The following PLA2R1 variants were observed in gnomAD, a reference collection of about 807,000 sequenced individuals.
PLA2R1 encodes secretory phospholipase A2 receptor.
A neutral mutation model predicts 195.9 loss-of-function variants in PLA2R1; 158 were observed. That is an observed-to-expected ratio of 0.81 (90% CI 0.71 to 0.92). The LOEUF is 0.92. Among genes scored for constraint, PLA2R1 ranks in the 40% least tolerant of loss-of-function variants. The pLI is 0.00. For synonymous variants in PLA2R1, 586 were observed against 598.2 expected (o/e 0.98, Z 0.30); for missense variants, 1,626 against 1,764.6 (o/e 0.92, Z 1.41).
intron 5 of PLA2R1, 25 bp from the exon 6 acceptor site, chr2:160,028,386 A>G: frequency 6.4e-7 from 1 of 1,562,518 alleles, no homozygotes; most frequent in African/African-American, 1.4e-5. Context: ...AGTGTCTTTA[A>G]TATTAGAAGC....
chr2:160,031,023 T>G (rs10929963), intron 4 of PLA2R1, among the ~76,000 whole-genome samples: 22,617 of 152,136 alleles, frequency 0.15, 1,820 homozygotes, highest in East Asian at 0.22. Flanking sequence ...ATTTCAGGCT[T>G]AAAATGATTT....
chr2:159,949,207 A>G (rs77640342), intron 25 of PLA2R1, among the ~76,000 whole-genome samples: 337 of 152,224 alleles, frequency 2.2e-3, no homozygotes, highest in Non-Finnish European at 3.8e-3. Flanking sequence ...GCATTCAGGC[A>G]AATCCCAACA....
intron 4 of PLA2R1, among the ~76,000 whole-genome samples, chr2:160,031,789 T>A (rs1228630261): frequency 6.6e-6 from 1 of 152,202 alleles, no homozygotes; most frequent in Non-Finnish European, 1.5e-5. Context: ...TATTTTGATA[T>A]GAAGGCTCGT....
chr2:160,052,725 G>A (rs1035645386), intron 1 of PLA2R1, among the ~76,000 whole-genome samples: 1 of 151,280 alleles, frequency 6.6e-6, no homozygotes. Flanking sequence ...AGCCCAGGGG[G>A]AAATGATTCA....
rs1452182190 is a variant in PLA2R1, at chr2:160,044,883, G to A, written c.384C>T (p.Tyr128=). The A allele has an allele frequency of 6.2e-7, 1 of 1,614,032 alleles. No homozygotes were observed. The highest frequency in any genetic ancestry group is 1.3e-5 in the African/African-American group (1 of 74,926). Residue 128 remains tyrosine (Y), a synonymous_variant, in exon 2 of 30, where the codon TAC becomes TAT. Transcript: ENST00000283243. ...NRKMITGPLQ[Y]SVQVAHDNTV... ...TGTTGTCATGCGCCACCTGGACAGAGTACTGCAGCGGGCCTGTGATCATCT... is the reference window on the plus strand; with the variant it reads ...TGTTGTCATGCGCCACCTGGACAGAATACTGCAGCGGGCCTGTGATCATCT...
chr2:159,981,275 T>TGCCATAGGAAGGAAAAGCAGC (rs1689934014), intron 13 of PLA2R1, among the ~76,000 whole-genome samples: 3 of 151,528 alleles, frequency 2.0e-5, no homozygotes, highest in Admixed American at 6.6e-5. Flanking sequence ...AGAAAAGCAG[T>TGCCATAGGAAGGAAAAGCAGC]GCCATAGGAA....
In PLA2R1 at chr2:159,967,530, C is replaced by G. The variant is rs774889374; in HGVS notation, c.2904+9G>C. 2 of 1,608,732 alleles carry G rather than the reference C, an allele frequency of 1.2e-6. No homozygotes were observed. Among genetic ancestry groups the G allele is most frequent in the East Asian group, 2.2e-5 (1 of 44,808 alleles). On this transcript the variant is annotated intron_variant, in intron 20 of 29. Coordinates refer to ENST00000283243, the MANE Select transcript of PLA2R1 (RefSeq NM_007366.5). Reference sequence around the variant, plus strand: ...AGAAACAAAGGCAACTTTTGAAAAACAAGCTTACCTTATAGTTAAAATATA... The same window carrying G: ...AGAAACAAAGGCAACTTTTGAAAAAGAAGCTTACCTTATAGTTAAAATATA...
chr2:159,948,938 G>A (rs1313791851), intron 25 of PLA2R1, among the ~76,000 whole-genome samples: 3 of 152,128 alleles, frequency 2.0e-5, no homozygotes, highest in Non-Finnish European at 4.4e-5. Flanking sequence ...AGACACTTAG[G>A]AAACTATTTA....
At chr2:159,959,818 C>T (rs569042997) in intron 20 of PLA2R1, among the ~76,000 whole-genome samples, 1 of 152,082 alleles carries the variant, frequency 6.6e-6, no homozygotes, top group Non-Finnish European at 1.5e-5. Flanking sequence ...ATCTCATTTC[C>T]CAAAAAGCCC....
intron 1 of PLA2R1, among the ~76,000 whole-genome samples, chr2:160,046,060 C>T (rs1057512028): frequency 1.3e-5 from 2 of 152,204 alleles, no homozygotes; most frequent in African/African-American, 2.4e-5. Flanking sequence ...ACCCAAGTTG[C>T]GGGCCTGGAA....
At chr2:160,048,796 T>A (rs1410208993) in intron 1 of PLA2R1, among the ~76,000 whole-genome samples, 1 of 151,868 alleles carries the variant, frequency 6.6e-6, no homozygotes, top group African/African-American at 2.4e-5. Flanking sequence ...TTCATAATTA[T>A]AAGTTTAGGA....
chr2:160,006,135 T>C (rs1297693804), intron 10 of PLA2R1, among the ~76,000 whole-genome samples: 3 of 152,180 alleles, frequency 2.0e-5, no homozygotes, highest in Non-Finnish European at 4.4e-5. Flanking sequence ...AATGCATTTC[T>C]TGGAGTACGA....
intron 8 of PLA2R1, among the ~76,000 whole-genome samples, chr2:160,018,985 A>C (rs1010202099): frequency 6.6e-6 from 1 of 152,238 alleles, no homozygotes. Flanking sequence ...CCAAATCCCA[A>C]CAACCCCCTA....
chr2:160,045,683 AC>A (rs1694814168), intron 1 of PLA2R1, among the ~76,000 whole-genome samples: 1 of 152,202 alleles, frequency 6.6e-6, no homozygotes, highest in Non-Finnish European at 1.5e-5. Flanking sequence ...GTGATCTGAT[AC>A]GGGATTCAAT....
At chr2:160,026,219 G>A (rs1053242810) in intron 6 of PLA2R1, among the ~76,000 whole-genome samples, 1 of 152,076 alleles carries the variant, frequency 6.6e-6, no homozygotes, top group Admixed American at 6.6e-5. Context: ...ACTTGACAGA[G>A]GACATACAAT....
chr2:160,053,078 C>T (rs545120885), intron 1 of PLA2R1, among the ~76,000 whole-genome samples: 7 of 152,200 alleles, frequency 4.6e-5, no homozygotes, highest in Middle Eastern at 3.4e-3. Context: ...AGGCTGGAAG[C>T]GTGAGATTAC....
At position 160,044,926 on chromosome 2, in the gene PLA2R1, C is replaced by T. The variant is rs373497970; in HGVS notation, c.341G>A (p.Arg114Gln). 6 of 1,614,116 alleles carry T rather than the reference C, an allele frequency of 3.7e-6. No individual in the cohort carries two copies. The highest frequency in any genetic ancestry group is 4.5e-5 in the East Asian group (2 of 44,874). The change falls in exon 2 of 30, where the codon CGG becomes CAG. Residue 114 changes from arginine (R) to glutamine (Q), a missense_variant. Physicochemically the swap from Arg to Gln is conservative, Grantham distance 43. Coordinates refer to ENST00000283243, the MANE Select transcript of PLA2R1 (RefSeq NM_007366.5). ...GATCATCTTCCTGTTACAGCGCCAC[C>T]GTAAGGAAACGAGGGTGGAGTCACA... ...YECDSTLVSL[R>Q]WRCNRKMITG...
chr2:159,992,613 C>A (rs527590246), intron 11 of PLA2R1, among the ~76,000 whole-genome samples: 2 of 150,332 alleles, frequency 1.3e-5, no homozygotes, highest in African/African-American at 4.9e-5. Context: ...AGATTCAATG[C>A]CATCCCCATC....
intron 19 of PLA2R1, among the ~76,000 whole-genome samples, chr2:159,968,156 A>T (rs1688908482): frequency 6.6e-6 from 1 of 152,220 alleles, no homozygotes; most frequent in Non-Finnish European, 1.5e-5. Flanking sequence ...CTGATCCTTA[A>T]GTAAACCAGA....
Sources: allele counts gnomAD v4.1 joint callset (sites outside exome capture counted in the v4.1 genomes callset), GRCh38; gene constraint gnomAD v4.1.1; transcripts MANE v1.5; gene names NCBI Gene and HGNC (gene_info 2026-07-23, HGNC 2026-07-21).